The following ROBO1 variants were observed in gnomAD, a reference collection of about 807,000 sequenced individuals.
ROBO1 encodes the protein roundabout homolog 1.
A neutral mutation model predicts 195.9 loss-of-function variants in ROBO1; 149 were observed. The ratio of observed to expected loss-of-function variants is 0.76; its 90% CI spans 0.67 to 0.87. The LOEUF (loss-of-function observed/expected upper bound fraction) is 0.87. Ranked by LOEUF, ROBO1 falls within the 40% of genes least tolerant of loss-of-function variation. The pLI, the probability that ROBO1 is intolerant of heterozygous loss-of-function variation, is 0.00. For missense variants in ROBO1, 1,933 were observed against 2,068.3 expected (o/e 0.93, Z 1.27); for synonymous variants, 816 against 733.2 (o/e 1.11, Z -1.82).
chr3:79,052,060 G>A (rs2078710149), intron 3 of ROBO1, among the ~76,000 whole-genome samples: 1 of 152,092 alleles, frequency 6.6e-6, no homozygotes. Context: ...GAACACGGGA[G>A]ATAACCGTAA....
Position 79,656,240 on chromosome 3 carries a change from CT to C in ROBO1, c.-50-66280del, listed in dbSNP as rs529533969. Among the ~76,000 whole-genome samples the C allele has an allele frequency of 4.2e-3, 594 of 141,380 alleles. 2 individuals are homozygous for C. Among genetic ancestry groups the C allele is most frequent in the African/African-American group, 0.01 (400 of 38,706 alleles). The allele number at this position is 141,380 out of a possible 152,430, so 92.8% of individuals were successfully genotyped here. A position where few individuals can be genotyped will look rare whatever the true frequency, so the allele number is the denominator to read the frequency against. ...TTTATTAATAGTAGTGGTATTTTTG[CT>C]TTTTTTTTTTAAATTTAAACACATG... is the stretch of plus-strand genomic sequence containing the variant. On this transcript the variant is annotated intron_variant, in intron 1 of 30. Transcript: ENST00000464233.
chr3:79,484,747 TGCAC>T, intron 2 of ROBO1, among the ~76,000 whole-genome samples: 2 of 130,844 alleles, frequency 1.5e-5, no homozygotes, highest in Non-Finnish European at 3.2e-5. Context: ...CCACTATCAT[TGCAC>T]TATCTTTTTT....
At chr3:79,588,144 A>G (rs750845763) in intron 2 of ROBO1, among the ~76,000 whole-genome samples, 5 of 151,762 alleles carry the variant, frequency 3.3e-5, no homozygotes, top group Non-Finnish European at 5.9e-5. Flanking sequence ...ATTAAATTAG[A>G]CAATGAAGTC....
chr3:78,660,442 A>G (rs951494710), intron 16 of ROBO1: 2 of 152,696 alleles, frequency 1.3e-5, no homozygotes, highest in African/African-American at 4.8e-5. Flanking sequence ...AATGAATATT[A>G]ATCATTCATG....
intron 2 of ROBO1, among the ~76,000 whole-genome samples, chr3:79,300,646 G>A (rs967328802): frequency 2.0e-5 from 3 of 152,168 alleles, no homozygotes; most frequent in South Asian, 2.1e-4. Flanking sequence ...ACCTGCAGCC[G>A]GTGGGATCCA....
At chr3:79,019,463 T>C (rs1222479348) in intron 3 of ROBO1, 4 of 986,144 alleles carry the variant, frequency 4.1e-6, no homozygotes, top group Middle Eastern at 5.2e-4. Flanking sequence ...CTCAATTGCT[T>C]GTGGGTTTCC....
chr3:78,611,986 C>G (rs918313415), intron 28 of ROBO1, among the ~76,000 whole-genome samples: 2 of 152,080 alleles, frequency 1.3e-5, no homozygotes, highest in African/African-American at 4.8e-5. Context: ...TTTGAAGCCA[C>G]CTGGTCTATG....
At chr3:78,772,104 A>C (rs933742471) in intron 4 of ROBO1, among the ~76,000 whole-genome samples, 9 of 152,170 alleles carry the variant, frequency 5.9e-5, no homozygotes, top group Non-Finnish European at 8.8e-5. Flanking sequence ...TCTATGTTCC[A>C]TAAAATACCA....
At chr3:79,027,763 C>G (rs897442538) in intron 3 of ROBO1, among the ~76,000 whole-genome samples, 2 of 152,022 alleles carry the variant, frequency 1.3e-5, no homozygotes, top group African/African-American at 4.8e-5. Flanking sequence ...CTCATCTTCT[C>G]AATTTCCTAT....
intron 1 of ROBO1, among the ~76,000 whole-genome samples, chr3:79,738,897 T>C (rs1461060737): frequency 6.6e-6 from 1 of 152,156 alleles, no homozygotes; most frequent in African/African-American, 2.4e-5. Flanking sequence ...GGCAGTCCAA[T>C]GTGATACATA....
rs574182369 is a variant in ROBO1, at chr3:79,606,127, TA to T, written c.-50-16167del. 3.1e-4 allele frequency among the ~76,000 whole-genome samples: 46 copies of T among 150,374 alleles called. No individual in the cohort carries two copies. In the South Asian group the frequency reaches 6.7e-3, roughly 22 times the overall value. On this transcript the variant is annotated intron_variant, in intron 1 of 30. Coordinates refer to ENST00000464233, the MANE Select transcript of ROBO1 (RefSeq NM_002941.4). ...CAATAAGAGCTTTAATTTACTCATT[TA>T]AAAAAATTACTCATTTAATTTACTC...
intron 2 of ROBO1, among the ~76,000 whole-genome samples, chr3:79,240,045 C>T (rs2082483511): frequency 1.3e-5 from 2 of 151,918 alleles, no homozygotes; most frequent in Non-Finnish European, 2.9e-5. Context: ...TCATTTTTTT[C>T]TTGTGGTGAG....
intron 2 of ROBO1, among the ~76,000 whole-genome samples, chr3:79,128,095 A>C (rs2080250770): frequency 6.6e-6 from 1 of 152,220 alleles, no homozygotes; most frequent in Non-Finnish European, 1.5e-5. Context: ...ACCAGTCCAA[A>C]GACATTTACT....
At chr3:78,890,911 A>C (rs530427720) in intron 4 of ROBO1, among the ~76,000 whole-genome samples, 1 of 152,216 alleles carries the variant, frequency 6.6e-6, no homozygotes, top group Non-Finnish European at 1.5e-5. Flanking sequence ...ACAGGTGTGT[A>C]CCACCACGCC....
chr3:79,100,563 A>G (rs1015814033), intron 3 of ROBO1, among the ~76,000 whole-genome samples: 1 of 151,922 alleles, frequency 6.6e-6, no homozygotes, highest in South Asian at 2.1e-4. Context: ...CAGAAGAACA[A>G]TAGTATGAAT....
intron 2 of ROBO1, among the ~76,000 whole-genome samples, chr3:79,500,967 C>G (rs1196235184): frequency 6.6e-6 from 1 of 152,022 alleles, no homozygotes; most frequent in Non-Finnish European, 1.5e-5. Flanking sequence ...CTTTCCTCCC[C>G]CACCATCACT....
At chr3:78,768,651 T>A (rs1400502423) in intron 4 of ROBO1, among the ~76,000 whole-genome samples, 1 of 133,350 alleles carries the variant, frequency 7.5e-6, no homozygotes, top group Non-Finnish European at 1.7e-5. Flanking sequence ...GTATGTTCTT[T>A]TTTTTTTTTA....
chr3:79,234,370 G>A (rs756617949), intron 2 of ROBO1, among the ~76,000 whole-genome samples: 15 of 152,038 alleles, frequency 9.9e-5, no homozygotes, highest in Non-Finnish European at 2.2e-4. Flanking sequence ...TGCATATAGC[G>A]AAAGATAGGG....
chr3:78,642,915 G>A, intron 21 of ROBO1, among the ~76,000 whole-genome samples: 1 of 151,960 alleles, frequency 6.6e-6, no homozygotes, highest in East Asian at 1.9e-4. Flanking sequence ...AAGTTACAAA[G>A]GACTGAACTC....
Sources: gnomAD v4.1 joint callset for allele counts (sites outside exome capture counted in the v4.1 genomes callset) on GRCh38, gnomAD v4.1.1 for gene constraint, MANE v1.5 for transcripts, NCBI Gene and HGNC (gene_info 2026-07-23, HGNC 2026-07-21) for gene names.